Variants in HOXB3 observed in about 807,000 individuals in gnomAD.
HOXB3 encodes the protein homeobox protein Hox-B3.
A neutral mutation model predicts 29.2 loss-of-function variants in HOXB3; 17 were observed. That is an observed-to-expected ratio of 0.58 (90% CI 0.40 to 0.87). The LOEUF is 0.87. Among genes scored for constraint, HOXB3 ranks in the 40% least tolerant of loss-of-function variants. The probability of loss-of-function intolerance (pLI) is 0.00; values close to 1 mark genes in which losing one functional copy is unlikely to be tolerated. For synonymous variants in HOXB3, 317 were observed against 285.9 expected (o/e 1.11, Z -1.10); for missense variants, 637 against 616.3 (o/e 1.03, Z -0.35).
chr17:48,554,942 G>C lies in HOXB3; in HGVS notation c.-159+589C>G. 1 of 624,776 alleles carries C rather than the reference G, an allele frequency of 1.6e-6. No homozygotes were observed. The allele number at this position is 624,776 out of a possible 1,614,324, so 38.7% of individuals were successfully genotyped here. ...GGGAACAACTCTACCAAGCCAAACA[G>C]ATCTATTTCCCTTGCCTCCATGTTG... On this transcript the variant is annotated intron_variant, in intron 3 of 4. Coordinates refer to ENST00000498678, the MANE Select transcript of HOXB3 (RefSeq NM_001384749.1). The surrounding 1 kb of genome is among the most constrained non-coding windows in gnomAD (Gnocchi z 4.1).
chr17:48,577,875 G>A, intron 1 of HOXB3: 2 of 1,398,172 alleles, frequency 1.4e-6, no homozygotes, highest in Non-Finnish European at 1.9e-6. Flanking sequence ...GTGCTCACGT[G>A]AACTTTGCGC....
At chr17:48,555,820 G>T (rs575370970) in intron 2 of HOXB3, among the ~76,000 whole-genome samples, 77 of 152,290 alleles carry the variant, frequency 5.1e-4, no homozygotes, top group African/African-American at 1.8e-3. Context: ...AAAAAAAATA[G>T]AAGACCGAAA....
intron 4 of HOXB3, 44 bp downstream of exon 4, chr17:48,551,983 G>A: frequency 6.6e-7 from 1 of 1,509,430 alleles, no homozygotes; most frequent in Non-Finnish European, 8.9e-7. Flanking sequence ...TGACATTCCT[G>A]GCTCCGACAA....
intron 1 of HOXB3, chr17:48,578,068 C>T: frequency 1.4e-5 from 1 of 69,914 alleles, no homozygotes; most frequent in East Asian, 7.2e-4. Context: ...CGGGCGGTGG[C>T]GGGGGCGGCG....
chr17:48,555,640 G>C (rs774125674), intron 2 of HOXB3, 22 bp from the exon 3 acceptor site: 69 of 702,380 alleles, frequency 9.8e-5, no homozygotes, highest in Admixed American at 8.0e-5. Context: ...AGGAAAAAAA[G>C]ACCACTGTTT....
Position 48,554,806 on chromosome 17 carries a change from G to T in HOXB3, c.-159+725C>A. ...CTTAGAAACTCCGCTTCGGGACTTT[G>T]CTCAGCAGGGCTCCGGGTTGGAGGG... On this transcript the variant is annotated intron_variant, in intron 3 of 4. Transcript: ENST00000498678. The surrounding 1 kb of genome is among the most constrained non-coding windows in gnomAD (Gnocchi z 4.1). 3 of 702,368 alleles carry T rather than the reference G, an allele frequency of 4.3e-6. No individual in the cohort carries two copies. The highest frequency in any genetic ancestry group is 7.8e-6 in the Non-Finnish European group (3 of 384,824). 43.5% of individuals were successfully genotyped at this position (702,368 alleles called of 1,614,324 possible).
chr17:48,576,626 C>T, intron 1 of HOXB3: 1 of 1,158,178 alleles, frequency 8.6e-7, no homozygotes, highest in Non-Finnish European at 1.2e-6. Context: ...TTTTCCGGGG[C>T]CCAGGCCCCA....
At chr17:48,582,703 T>G (rs977148898) in intron 1 of HOXB3, 1 of 152,218 alleles carries the variant, frequency 6.6e-6, no homozygotes, top group Non-Finnish European at 1.5e-5. Flanking sequence ...AGCAGAAATT[T>G]GATTCAGCTC....
chr17:48,554,540 T>C lies in HOXB3; in HGVS notation c.-159+991A>G. The C allele has an allele frequency of 1.5e-6, 1 of 683,640 alleles. No individual in the cohort carries two copies. Among genetic ancestry groups the C allele is most frequent in the South Asian group, 1.5e-5 (1 of 65,888 alleles). 42.3% of individuals were successfully genotyped at this position (683,640 alleles called of 1,614,324 possible). A position where few individuals can be genotyped will look rare whatever the true frequency, so the allele number is the denominator to read the frequency against. ...TGGTGCAGACAGGGCTGGGAAGGTT[T>C]GTGCACCCGGGTAGTCCCTGGCTGC... On this transcript the variant is annotated intron_variant, in intron 3 of 4. Transcript: ENST00000498678. The surrounding 1 kb of genome is among the most constrained non-coding windows in gnomAD (Gnocchi z 4.1).
chr17:48,572,807 G>T (rs1306514901), intron 2 of HOXB3, among the ~76,000 whole-genome samples: 2 of 152,160 alleles, frequency 1.3e-5, no homozygotes, highest in African/African-American at 4.8e-5. Context: ...ACATATGATG[G>T]GCCAAGGACC....
intron 3 of HOXB3, chr17:48,555,315 G>A (rs1049057836): frequency 1.3e-4 from 70 of 557,834 alleles, no homozygotes; most frequent in Non-Finnish European, 2.1e-4. Context: ...GAAGCAGGAA[G>A]AGAGAGGGGA....
rs746847989 is a variant in HOXB3 at position 48,551,143 on chromosome 17, C to T, written c.487G>A (p.Gly163Arg). The T allele has an allele frequency of 1.3e-5, 17 of 1,302,716 alleles. No individual in the cohort carries two copies. Among genetic ancestry groups the T allele is most frequent in the African/African-American group, 1.1e-4 (7 of 64,928 alleles). 80.7% of individuals were successfully genotyped at this position (1,302,716 alleles called of 1,614,324 possible). A position where few individuals can be genotyped will look rare whatever the true frequency, so the allele number is the denominator to read the frequency against. Residue 163 changes from glycine to arginine, a missense_variant, in exon 5 of 5, where the codon GGA becomes AGA. Coordinates refer to ENST00000498678, the MANE Select transcript of HOXB3 (RefSeq NM_001384749.1). ...CGGGGGGGGG[G>R]GSGGSGGGGG... ...CCGCCCCCGCTGCCACCACTGCCTCCGCCGCCGCCGCCACCGCCGCCGCCA... is the reference window on the plus strand; with the variant it reads ...CCGCCCCCGCTGCCACCACTGCCTCTGCCGCCGCCGCCACCGCCGCCGCCA...
rs775026125 is a variant in HOXB3 at position 48,551,083 on chromosome 17, G to A, written c.547C>T (p.Pro183Ser). The A allele has an allele frequency of 3.3e-6, 5 of 1,510,028 alleles. No homozygotes were observed. In the South Asian group the frequency reaches 5.2e-5, roughly 16 times the overall value. 93.5% of individuals were successfully genotyped at this position (1,510,028 alleles called of 1,614,324 possible). A position where few individuals can be genotyped will look rare whatever the true frequency, so the allele number is the denominator to read the frequency against. ...GGGGGGDKSP[P>S]GSAASKRART... ...GCCCGCTTGGACGCCGCCGACCCCG[G>A]GGGGCTCTTGTCCCCTCCCCCGCCG... Residue 183 changes from proline to serine, a missense_variant, in exon 5 of 5, where the codon CCG becomes TCG. Coordinates refer to ENST00000498678, the MANE Select transcript of HOXB3 (RefSeq NM_001384749.1).
In HOXB3 at chr17:48,550,252, T is replaced by C; in HGVS notation, c.*82A>G. The C allele has an allele frequency of 6.3e-7, 1 of 1,578,886 alleles. No homozygotes were observed. The highest frequency in any genetic ancestry group is 1.7e-5 in the Admixed American group (1 of 57,466). On this transcript the variant is annotated 3_prime_UTR_variant, in exon 5 of 5. Transcript: ENST00000498678. ...GGGTACCACCTTCTCTGGCTCCTCT[T>C]TTCAGACCTCCAGGTTGCCCCCCAG...
At chr17:48,568,505 C>T (rs2069464014) in intron 2 of HOXB3, among the ~76,000 whole-genome samples, 1 of 152,138 alleles carries the variant, frequency 6.6e-6, no homozygotes, top group South Asian at 2.1e-4. Context: ...GAGGAAGTGC[C>T]TCCGAGAGCG....
intron 2 of HOXB3, among the ~76,000 whole-genome samples, chr17:48,562,513 C>A (rs2069234318): frequency 6.6e-6 from 1 of 152,202 alleles, no homozygotes; most frequent in South Asian, 2.1e-4. Context: ...CTGCTCTCTG[C>A]TCTTGGGAAA....
At chr17:48,555,359 A>G (rs9910045) in intron 3 of HOXB3, 172 bp downstream of exon 3, 233,037 of 509,852 alleles carry the variant, frequency 0.46, 36,440 homozygotes, top group Middle Eastern at 0.51. Flanking sequence ...AGAGAGAGAG[A>G]GAGAGGGAGG....
intron 2 of HOXB3, among the ~76,000 whole-genome samples, chr17:48,561,114 A>T (rs1426998386): frequency 6.6e-6 from 1 of 151,218 alleles, no homozygotes; most frequent in East Asian, 1.9e-4. Flanking sequence ...CAGGAGGCAG[A>T]GGTTGTGGTG....
chr17:48,583,938 T>C (rs76412404), intron 1 of HOXB3, among the ~76,000 whole-genome samples: 71 of 152,354 alleles, frequency 4.7e-4, no homozygotes, highest in African/African-American at 1.6e-3. Context: ...AAGGCATCTT[T>C]ACAGAAACTC....
Sources: allele counts gnomAD v4.1 joint callset (sites outside exome capture counted in the v4.1 genomes callset), GRCh38; gene constraint gnomAD v4.1.1; non-coding constraint Gnocchi (gnomAD v3.1); transcripts MANE v1.5; gene names NCBI Gene and HGNC (gene_info 2026-07-23, HGNC 2026-07-21).